The following GPD1L variants were observed in gnomAD, a reference collection of about 807,000 sequenced individuals.
The protein encoded by GPD1L is glycerol-3-phosphate dehydrogenase 1 like.
In GPD1L, 17 loss-of-function variants were observed where a neutral mutation model predicts 32.9. That is an observed-to-expected ratio of 0.52 (90% confidence interval 0.35 to 0.78). GPD1L has a LOEUF of 0.78. Ranked by LOEUF, GPD1L falls within the 30% of genes least tolerant of loss-of-function variation. The pLI is 0.01. For missense variants in GPD1L, 361 were observed against 447.8 expected (o/e 0.81, Z 1.75); for synonymous variants, 187 against 165.9 (o/e 1.13, Z -0.98).
chr3:32,119,379 C>G (rs1700376167), intron 1 of GPD1L, among the ~76,000 whole-genome samples: 1 of 152,100 alleles, frequency 6.6e-6, no homozygotes, highest in African/African-American at 2.4e-5. Context: ...AATTTTACAT[C>G]CTTTTTGTTA....
chr3:32,116,619 G>A (rs189778773), intron 1 of GPD1L, among the ~76,000 whole-genome samples: 1 of 152,152 alleles, frequency 6.6e-6, no homozygotes, highest in Non-Finnish European at 1.5e-5. Context: ...TTGGGGTGGG[G>A]ACTGACAGCA....
intron 1 of GPD1L, among the ~76,000 whole-genome samples, chr3:32,122,871 A>T (rs1700442384): frequency 6.6e-6 from 1 of 152,122 alleles, no homozygotes; most frequent in African/African-American, 2.4e-5. Context: ...CTATAGTATT[A>T]TTTGATTGCT....
At chr3:32,144,128 C>A (rs1040986319) in intron 4 of GPD1L, among the ~76,000 whole-genome samples, 1 of 152,178 alleles carries the variant, frequency 6.6e-6, no homozygotes, top group Non-Finnish European at 1.5e-5. Flanking sequence ...GTAAACATTA[C>A]ATTTTCTGTA....
At chr3:32,108,151 C>G (rs971948126) in intron 1 of GPD1L, among the ~76,000 whole-genome samples, 2 of 152,228 alleles carry the variant, frequency 1.3e-5, no homozygotes, top group African/African-American at 4.8e-5. Context: ...GTAATCCCAG[C>G]ACTTTGGGAG....
intron 4 of GPD1L, among the ~76,000 whole-genome samples, chr3:32,146,036 G>A (rs1040794348): frequency 6.7e-6 from 1 of 149,308 alleles, no homozygotes; most frequent in Non-Finnish European, 1.5e-5. Context: ...TTTTGACATT[G>A]TGTCACTTCT....
chr3:32,123,839 T>TAGATAGATAGATGGAC (rs58722314), intron 1 of GPD1L, among the ~76,000 whole-genome samples: 1 of 134,488 alleles, frequency 7.4e-6, no homozygotes, highest in Non-Finnish European at 1.6e-5. Flanking sequence ...GATAGATAGA[T>TAGATAGATAGATGGAC]AGACAGACAG....
In GPD1L at chr3:32,166,365, TA is replaced by T. The variant is rs1175780536; in HGVS notation, c.*456del. The T allele has an allele frequency of 5.0e-6, 1 of 201,154 alleles. No homozygotes were observed. The highest frequency in any genetic ancestry group is 2.4e-5 in the African/African-American group (1 of 42,092). The allele number at this position is 201,154 out of a possible 1,614,324, so 12.5% of individuals were successfully genotyped here. ...GAGTGAGTGTGTTCAAAGATCAACATATTTAACTTTTAAACACTATCTCAAA... is the reference window on the plus strand; with the variant it reads ...GAGTGAGTGTGTTCAAAGATCAACATTTTAACTTTTAAACACTATCTCAAA... On this transcript the variant is annotated 3_prime_UTR_variant, in exon 8 of 8. Transcript: ENST00000282541.
At chr3:32,137,529 G>C (rs1345046560) in intron 2 of GPD1L, among the ~76,000 whole-genome samples, 1 of 152,136 alleles carries the variant, frequency 6.6e-6, no homozygotes, top group African/African-American at 2.4e-5. Flanking sequence ...ATGCTCCCTT[G>C]ATCAGAACTC....
chr3:32,160,479 G>A (rs1182466437), intron 7 of GPD1L, among the ~76,000 whole-genome samples: 2 of 70,116 alleles, frequency 2.9e-5, no homozygotes, highest in Non-Finnish European at 5.0e-5. Flanking sequence ...TGAGATAGAT[G>A]GAGGGATGGA....
intron 1 of GPD1L, among the ~76,000 whole-genome samples, chr3:32,110,916 A>C (rs763578539): frequency 2.0e-5 from 3 of 152,234 alleles, no homozygotes; most frequent in Non-Finnish European, 4.4e-5. Context: ...CCCAGGCTAG[A>C]GTGCAATGGC....
chr3:32,158,797 G>T, intron 5 of GPD1L, 79 bp from the exon 6 acceptor site: 1 of 1,563,546 alleles, frequency 6.4e-7, no homozygotes, highest in South Asian at 1.2e-5. Flanking sequence ...CCCCTGCCTC[G>T]GCATCCCCCA....
intron 1 of GPD1L, among the ~76,000 whole-genome samples, chr3:32,113,641 A>G (rs988757800): frequency 3.9e-5 from 6 of 152,168 alleles, no homozygotes; most frequent in African/African-American, 1.4e-4. Flanking sequence ...AGTCTCTTCC[A>G]CAATTGGAAG....
intron 2 of GPD1L, among the ~76,000 whole-genome samples, chr3:32,130,624 G>C (rs1241051625): frequency 1.3e-5 from 2 of 152,134 alleles, no homozygotes; most frequent in Non-Finnish European, 2.9e-5. Flanking sequence ...ACTAAAAGCT[G>C]AGCCCGTCTG....
chr3:32,149,872 C>CTGG (rs1297209476), intron 5 of GPD1L, among the ~76,000 whole-genome samples: 1 of 151,248 alleles, frequency 6.6e-6, no homozygotes, highest in East Asian at 1.9e-4. Flanking sequence ...TCACTTGAAT[C>CTGG]TGGGAGGCAG....
intron 2 of GPD1L, among the ~76,000 whole-genome samples, chr3:32,134,695 T>C (rs775668499): frequency 6.6e-6 from 1 of 152,192 alleles, no homozygotes; most frequent in African/African-American, 2.4e-5. Context: ...ACTGTGTTGC[T>C]TAGGCTGGTC....
intron 5 of GPD1L, among the ~76,000 whole-genome samples, chr3:32,155,813 A>G (rs972941576): frequency 1.7e-4 from 26 of 152,234 alleles, no homozygotes; most frequent in African/African-American, 6.0e-4. Flanking sequence ...CAAGCCCTGA[A>G]TTTTACATCT....
At chr3:32,136,775 T>TCC (rs1553659471) in intron 2 of GPD1L, among the ~76,000 whole-genome samples, 1 of 152,214 alleles carries the variant, frequency 6.6e-6, no homozygotes, top group East Asian at 1.9e-4. Context: ...TGTTTTTTTT[T>TCC]CCCCTGTACC....
intron 4 of GPD1L, among the ~76,000 whole-genome samples, chr3:32,143,977 G>A (rs1700784999): frequency 6.6e-6 from 1 of 152,140 alleles, no homozygotes; most frequent in African/African-American, 2.4e-5. Flanking sequence ...GCAAGACCTT[G>A]TCTCTAAAAA....
Position 32,140,320 on chromosome 3 carries a change from C to T in GPD1L, c.459C>T (p.Asn153=), listed in dbSNP as rs375532052. 3.4e-4 allele frequency: 541 copies of T among 1,614,170 alleles called. No homozygotes were observed. Among genetic ancestry groups the T allele is most frequent in the Non-Finnish European group, 4.4e-4 (515 of 1,179,998 alleles). The change falls in exon 4 of 8, where the codon AAC becomes AAT. Residue 153 remains asparagine (N), a synonymous_variant. Transcript: ENST00000282541. Reference sequence around the variant, plus strand: ...ACATCAGTGTGCTGATGGGAGCCAACATTGCCAATGAGGTGGCTGCAGAGA... The same window carrying T: ...ACATCAGTGTGCTGATGGGAGCCAATATTGCCAATGAGGTGGCTGCAGAGA... ...GIDISVLMGA[N]IANEVAAEKF... is the part of the protein sequence containing the mutation.
Sources: allele counts gnomAD v4.1 joint callset (sites outside exome capture counted in the v4.1 genomes callset), GRCh38; gene constraint gnomAD v4.1.1; transcripts MANE v1.5; gene names NCBI Gene and HGNC (gene_info 2026-07-23, HGNC 2026-07-21).